The following ZNF462 variants were observed in gnomAD, a reference collection of about 807,000 sequenced individuals.
ZNF462 encodes the protein zinc finger protein 462, also known as zinc finger PBX1-interacting protein.
Under a neutral mutation model 201.9 loss-of-function variants are expected in ZNF462, and 10 were observed. That is an observed-to-expected ratio of 0.05 (90% CI 0.03 to 0.08). ZNF462 has a LOEUF of 0.08. Among genes scored for constraint, ZNF462 ranks in the 10% least tolerant of loss-of-function variants. ZNF462 has a pLI of 1.00. For synonymous variants in ZNF462, 1,227 were observed against 1,193.3 expected (o/e 1.03, Z -0.58); for missense variants, 2,523 against 3,168.3 (o/e 0.80, Z 4.89).
chr9:106,967,878 G>C (rs941070613), intron 7 of ZNF462, among the ~76,000 whole-genome samples: 1 of 151,778 alleles, frequency 6.6e-6, no homozygotes, highest in Non-Finnish European at 1.5e-5. Flanking sequence ...CTCTTTTTGA[G>C]TCTTGCTTTA....
In ZNF462 at chr9:106,932,438, C is replaced by T; in HGVS notation, c.6013-8C>T. On this transcript the variant is annotated splice_region_variant and splice_polypyrimidine_tract_variant and intron_variant, in intron 4 of 12. Transcript: ENST00000277225. The surrounding 1 kb of genome is among the most constrained non-coding windows in gnomAD (Gnocchi z 6.8). The stretch of plus-strand genomic sequence containing the variant: ...AGTCAATGTGACAGAGTCCTGATGT[C>T]CATGCAGGGGCTGCGTTCTCATGAG... 6.2e-7 allele frequency: 1 copy of T among 1,614,222 alleles called. No homozygotes were observed. Among genetic ancestry groups the T allele is most frequent in the Non-Finnish European group, 8.5e-7 (1 of 1,180,040 alleles).
rs1042481540 is a variant in ZNF462 at position 106,981,990 on chromosome 9, A to G, written c.6833-2196A>G. ...GAGGAACTAAAATGTAGAGAGAGCA[A>G]GGGGGATGCAGTCCCAAGGAAGATG... is the stretch of plus-strand genomic sequence containing the variant. On this transcript the variant is annotated intron_variant, in intron 9 of 12. Transcript: ENST00000277225. This position sits in a 1 kb window ranked among gnomAD's most constrained non-coding sequence, Gnocchi z 4.0. 5.9e-5 allele frequency among the ~76,000 whole-genome samples: 9 copies of G among 152,218 alleles called. No individual in the cohort carries two copies. The highest frequency in any genetic ancestry group is 1.9e-4 in the African/African-American group (8 of 41,458).
Position 107,009,686 on chromosome 9 carries a change from A to C in ZNF462, c.7313+18A>C. The C allele has an allele frequency of 6.2e-7, 1 of 1,608,684 alleles. No individual in the cohort carries two copies. On this transcript the variant is annotated intron_variant, in intron 12 of 12. Coordinates refer to ENST00000277225, the MANE Select transcript of ZNF462 (RefSeq NM_021224.6). The surrounding 1 kb of genome is among the most constrained non-coding windows in gnomAD (Gnocchi z 6.1). ...CACGGCATGTAAGTTGGGCCACTTC[A>C]AGGATGCCTTTGTCCAAAGCAAGAG...
At chr9:106,996,897 A>G (rs1828775052) in intron 10 of ZNF462, among the ~76,000 whole-genome samples, 1 of 152,156 alleles carries the variant, frequency 6.6e-6, no homozygotes, top group South Asian at 2.1e-4. Context: ...AAGCTAAGTA[A>G]GAAATGGTTG....
chr9:106,990,158 T>C (rs1173020742), intron 10 of ZNF462, among the ~76,000 whole-genome samples: 1 of 152,120 alleles, frequency 6.6e-6, no homozygotes, highest in Non-Finnish European at 1.5e-5. Flanking sequence ...TAAATTTTCA[T>C]CTTGATATCA....
chr9:106,927,277 G>A lies in ZNF462; in HGVS notation c.3365G>A (p.Ser1122Asn). Residue 1122 changes from serine to asparagine, a missense_variant, in exon 3 of 13, where the codon AGC becomes AAC. Coordinates refer to ENST00000277225, the MANE Select transcript of ZNF462 (RefSeq NM_021224.6). ...ELYYCKHCSY[S>N]NRSVVGVLVH... ...TACTACTGCAAACACTGTTCCTACA[G>A]CAATCGGTCAGTTGTGGGAGTGCTT... 6.4e-7 allele frequency: 1 copy of A among 1,565,174 alleles called. No homozygotes were observed. Among genetic ancestry groups the A allele is most frequent in the Non-Finnish European group, 8.7e-7 (1 of 1,155,206 alleles).
At chr9:106,891,004 G>A (rs1726238375) in intron 1 of ZNF462, among the ~76,000 whole-genome samples, 1 of 152,138 alleles carries the variant, frequency 6.6e-6, no homozygotes, top group African/African-American at 2.4e-5. Flanking sequence ...GGCTAGTACA[G>A]GAAATCAAGG....
chr9:106,986,410 A>G (rs148042157), intron 10 of ZNF462, among the ~76,000 whole-genome samples: 71 of 152,228 alleles, frequency 4.7e-4, no homozygotes, highest in African/African-American at 1.6e-3. Context: ...GAATTGTTAT[A>G]CCTTTCTCAG....
At chr9:106,979,102 G>C (rs756002692) in intron 9 of ZNF462, 5 of 162,286 alleles carry the variant, frequency 3.1e-5, no homozygotes, top group Non-Finnish European at 6.6e-5. Flanking sequence ...TCCACATCAT[G>C]TGCAGTCACC....
At chr9:106,958,454 A>G (rs190504282) in intron 7 of ZNF462, among the ~76,000 whole-genome samples, 36 of 152,148 alleles carry the variant, frequency 2.4e-4, no homozygotes, top group East Asian at 2.1e-3. Context: ...GGGTCCTACT[A>G]TCTCACACTT....
chr9:106,916,777 T>C (rs1055118346), intron 1 of ZNF462, among the ~76,000 whole-genome samples: 2 of 152,226 alleles, frequency 1.3e-5, no homozygotes, highest in African/African-American at 4.8e-5. Context: ...CATGGTTGCA[T>C]TTTGAGAATT....
rs1429649124 is a variant in ZNF462 at position 106,923,911 on chromosome 9, G to A, written c.221-222G>A. ...TGTGTGGCTCATTTATGGAGATGAG[G>A]AGAATACCTAAAGCTATACACTGCA... On this transcript the variant is annotated intron_variant, in intron 2 of 12. Coordinates refer to ENST00000277225, the MANE Select transcript of ZNF462 (RefSeq NM_021224.6). The surrounding 1 kb of genome is among the most constrained non-coding windows in gnomAD (Gnocchi z 5.6). 6.6e-6 allele frequency among the ~76,000 whole-genome samples: 1 copy of A among 152,170 alleles called. No individual in the cohort carries two copies. Among genetic ancestry groups the A allele is most frequent in the Admixed American group, 6.5e-5 (1 of 15,284 alleles).
In ZNF462 at chr9:106,926,869, A is replaced by AGAACATGGCGACTTCCAC. The variant is rs1830214590; in HGVS notation, c.2958_2975dup (p.Asn987_Thr992dup). Reference sequence around the variant, plus strand: ...AGGGAGATTCTGAATTCGGCTCCCAAGAACATGGCGACTTCCACACCTGTG... The same window carrying AGAACATGGCGACTTCCAC: ...AGGGAGATTCTGAATTCGGCTCCCAAGAACATGGCGACTTCCACGAACATGGCGACTTCCACACCTGTG... On this transcript the variant is annotated inframe_insertion, in exon 3 of 13. Coordinates refer to ENST00000277225, the MANE Select transcript of ZNF462 (RefSeq NM_021224.6). The surrounding 1 kb of genome is among the most constrained non-coding windows in gnomAD (Gnocchi z 7.9). The AGAACATGGCGACTTCCAC allele has an allele frequency of 3.7e-6, 6 of 1,614,182 alleles. No homozygotes were observed. The East Asian group carries it at 1.3e-4, about 36-fold the overall frequency.
chr9:106,952,731 C>A (rs910673166), intron 7 of ZNF462, among the ~76,000 whole-genome samples: 3 of 152,186 alleles, frequency 2.0e-5, no homozygotes, highest in Non-Finnish European at 4.4e-5. Flanking sequence ...TTAATGATAA[C>A]TATCACTTAT....
intron 1 of ZNF462, among the ~76,000 whole-genome samples, chr9:106,911,662 TGTTCTACATG>T (rs1350683665): frequency 6.6e-6 from 1 of 152,186 alleles, no homozygotes; most frequent in African/African-American, 2.4e-5. Flanking sequence ...CAGGTAAAAG[TGTTCTACATG>T]GAGGAAAACC....
At position 106,926,108 on chromosome 9, in the gene ZNF462, C is replaced by T. The variant is rs749806322; in HGVS notation, c.2196C>T (p.Val732=). The change falls in exon 3 of 13, where the codon GTC becomes GTT. Residue 732 remains valine (V), a synonymous_variant. Transcript: ENST00000277225. The surrounding 1 kb of genome is among the most constrained non-coding windows in gnomAD (Gnocchi z 7.9). ...DDEEEEEDNE[V]EIEVELDREE... ...AAGAGGAAGAGGAAGACAACGAAGT[C>T]GAGATAGAGGTTGAGTTGGACAGGG... 87 of 1,614,040 alleles carry T rather than the reference C, an allele frequency of 5.4e-5. No individual in the cohort carries two copies. Among genetic ancestry groups the T allele is most frequent in the Non-Finnish European group, 6.9e-5 (81 of 1,180,042 alleles).
chr9:106,981,405 T>G lies in ZNF462; in HGVS notation c.6833-2781T>G, dbSNP rs1380105185. On this transcript the variant is annotated intron_variant, in intron 9 of 12. Transcript: ENST00000277225. This position sits in a 1 kb window ranked among gnomAD's most constrained non-coding sequence, Gnocchi z 4.0. ...GCCCTGGCAGAGATCAGAAGACCTG[T>G]GTTCCCAGGTCACAGCTTTGTGCTG... is the stretch of plus-strand genomic sequence containing the variant. Among the ~76,000 whole-genome samples the G allele has an allele frequency of 6.6e-6, 1 of 152,182 alleles. No individual in the cohort carries two copies. The highest frequency in any genetic ancestry group is 1.5e-5 in the Non-Finnish European group (1 of 68,036).
Position 106,929,591 on chromosome 9 carries a change from G to C in ZNF462, c.5679G>C (p.Gln1893His). The C allele has an allele frequency of 6.2e-7, 1 of 1,614,212 alleles. No homozygotes were observed. Among genetic ancestry groups the C allele is most frequent in the Non-Finnish European group, 8.5e-7 (1 of 1,180,038 alleles). The change falls in exon 3 of 13, where the codon CAG becomes CAC. Residue 1893 changes from glutamine (Q) to histidine (H), a missense_variant. Coordinates refer to ENST00000277225, the MANE Select transcript of ZNF462 (RefSeq NM_021224.6). This position sits in a 1 kb window ranked among gnomAD's most constrained non-coding sequence, Gnocchi z 8.7. ...CCCGCTTGCAGAACTCCACCTACCA[G>C]TGTAAGCACTGTGATAGCAAACTGC... The part of the protein sequence containing the change: ...NGPRLQNSTY[Q>H]CKHCDSKLQS...
At chr9:106,873,268 G>A (rs150542968) in intron 1 of ZNF462, among the ~76,000 whole-genome samples, 44 of 152,182 alleles carry the variant, frequency 2.9e-4, no homozygotes, top group East Asian at 2.3e-3. Flanking sequence ...ACTTAAGAGC[G>A]CCCTTTTCTG....
Sources: gnomAD v4.1 joint callset for allele counts (sites outside exome capture counted in the v4.1 genomes callset) on GRCh38, gnomAD v4.1.1 for gene constraint, Gnocchi (gnomAD v3.1) non-coding constraint, MANE v1.5 for transcripts, NCBI Gene and HGNC (gene_info 2026-07-23, HGNC 2026-07-21) for gene names.